The following ME1 variants were observed in gnomAD, a reference collection of about 807,000 sequenced individuals.
ME1 encodes malic enzyme 1.
Under a neutral mutation model 66.4 loss-of-function variants are expected in ME1, and 74 were observed. The ratio of observed to expected loss-of-function variants is 1.11; its 90% CI spans 0.92 to 1.35. The LOEUF is 1.35. ME1 is among the 40% of genes most tolerant of loss of function. The pLI is 0.00. For missense variants in ME1, 750 were observed against 694.1 expected (o/e 1.08, Z -0.90); for synonymous variants, 251 against 235.6 (o/e 1.07, Z -0.60).
intron 6 of ME1, among the ~76,000 whole-genome samples, chr6:83,304,393 G>A (rs1484657301): frequency 6.6e-6 from 1 of 152,142 alleles, no homozygotes; most frequent in Non-Finnish European, 1.5e-5. Flanking sequence ...CTGAAGAAAT[G>A]GACTGCAAAC....
intron 3 of ME1, among the ~76,000 whole-genome samples, chr6:83,357,428 A>G (rs1408046155): frequency 6.6e-6 from 1 of 152,192 alleles, no homozygotes; most frequent in Non-Finnish European, 1.5e-5. Context: ...ATCTATTGCA[A>G]ATATAATGTA....
At chr6:83,430,101 A>G (rs1770456189) in intron 1 of ME1, among the ~76,000 whole-genome samples, 1 of 152,224 alleles carries the variant, frequency 6.6e-6, no homozygotes, top group African/African-American at 2.4e-5. Context: ...GTCTCTGAAC[A>G]GGGTGTACAC....
chr6:83,248,691 C>T (rs1790666861), intron 7 of ME1, among the ~76,000 whole-genome samples: 1 of 152,144 alleles, frequency 6.6e-6, no homozygotes. Context: ...GTTCTTCCTT[C>T]ACTCATCTCT....
chr6:83,386,990 T>C (rs528667307), intron 3 of ME1, among the ~76,000 whole-genome samples: 35 of 151,520 alleles, frequency 2.3e-4, no homozygotes, highest in Admixed American at 5.3e-4. Context: ...CAGTTTATGG[T>C]AGTTTATCAT....
intron 6 of ME1, 77 bp downstream of exon 6, chr6:83,315,233 G>T: frequency 1.2e-6 from 1 of 817,752 alleles, no homozygotes; most frequent in Non-Finnish European, 2.0e-6. Flanking sequence ...AAACCATATT[G>T]CATAAATCTT....
At chr6:83,229,533 T>C (rs1790259294) in intron 9 of ME1, among the ~76,000 whole-genome samples, 1 of 152,228 alleles carries the variant, frequency 6.6e-6, no homozygotes, top group Non-Finnish European at 1.5e-5. Context: ...CCTAATTTTA[T>C]ATGGTACTTG....
chr6:83,319,342 A>C (rs1416052905), intron 5 of ME1, among the ~76,000 whole-genome samples: 1 of 151,702 alleles, frequency 6.6e-6, no homozygotes, highest in Non-Finnish European at 1.5e-5. Flanking sequence ...AAAAAATAAA[A>C]AGATAGGAAA....
chr6:83,405,768 C>T (rs1769930281), intron 2 of ME1, among the ~76,000 whole-genome samples: 1 of 145,498 alleles, frequency 6.9e-6, no homozygotes, highest in Non-Finnish European at 1.5e-5. Flanking sequence ...GTCGCCCAGG[C>T]TGGAGTGCAG....
chr6:83,416,405 G>T (rs1380630188), intron 1 of ME1, among the ~76,000 whole-genome samples: 5 of 152,192 alleles, frequency 3.3e-5, no homozygotes. Context: ...AGAGACCAAG[G>T]TCAGTGCTTC....
chr6:83,346,220 G>A lies in ME1; in HGVS notation c.553C>T (p.Pro185Ser), dbSNP rs759110370. The A allele has an allele frequency of 2.2e-5, 35 of 1,611,382 alleles. No individual in the cohort carries two copies. The Admixed American group carries it at 5.9e-4, about 27-fold the overall frequency. The change falls in exon 5 of 14, where the codon CCT becomes TCT. Residue 185 changes from proline to serine, a missense_variant. By Grantham distance (74) the Pro-to-Ser change is moderately conservative. Coordinates refer to ENST00000369705, the MANE Select transcript of ME1 (RefSeq NM_002395.6). ...AGAATGACAGGCAGACATTCTTGAG[G>A]ATTCATCCCTCCGCAAGCTGTATAT... ...ALYTACGGMN[P>S]QECLPVILDV...
In ME1 at chr6:83,216,542, G is replaced by T; in HGVS notation, c.1504C>A (p.Pro502Thr). The change falls in exon 13 of 14, where the codon CCT becomes ACT. Residue 502 changes from proline (P) to threonine (T), a missense_variant. Coordinates refer to ENST00000369705, the MANE Select transcript of ME1 (RefSeq NM_002395.6). ...GAAACATCTCTAATGGTATTCAAAG[G>T]AGGATAAAGCCGACCCTCTTCCAAG... is the stretch of plus-strand genomic sequence containing the variant. ...KHLEEGRLYP[P>T]LNTIRDVSLK... The T allele has an allele frequency of 6.2e-7, 1 of 1,611,768 alleles. No homozygotes were observed.
intron 4 of ME1, among the ~76,000 whole-genome samples, chr6:83,348,093 T>C (rs1041017610): frequency 6.6e-6 from 1 of 152,192 alleles, no homozygotes; most frequent in African/African-American, 2.4e-5. Flanking sequence ...GTGAAAATCA[T>C]TTTTGCACAT....
chr6:83,312,731 GGT>G (rs1200012963), intron 6 of ME1, among the ~76,000 whole-genome samples: 1 of 151,998 alleles, frequency 6.6e-6, no homozygotes, highest in Admixed American at 6.6e-5. Flanking sequence ...CCTCCAAAGA[GGT>G]TTATCCCAAT....
At chr6:83,369,659 GGAAGGAAGGAACGAAGGAAGGAAGGA>G (rs1769159164) in intron 3 of ME1, among the ~76,000 whole-genome samples, 1 of 70,200 alleles carries the variant, frequency 1.4e-5, no homozygotes, top group Non-Finnish European at 3.1e-5. Flanking sequence ...GAGAGAGGAA[GGAAGGAAGGAACGAAGGAAGGAAGGA>G]AGGAAGGAAG....
chr6:83,393,459 C>T (rs1769669277), intron 3 of ME1: 2 of 546,916 alleles, frequency 3.7e-6, no homozygotes, highest in Admixed American at 3.0e-5. Context: ...AGAGAGCGGC[C>T]CTCACTGCTG....
In ME1 at chr6:83,407,901, C is replaced by T. The variant is rs1250911225; in HGVS notation, c.79G>A (p.Asp27Asn). The T allele has an allele frequency of 6.3e-7, 1 of 1,595,962 alleles. No homozygotes were observed. The highest frequency in any genetic ancestry group is 8.5e-7 in the Non-Finnish European group (1 of 1,175,350). Residue 27 changes from aspartate to asparagine, a missense_variant and splice_region_variant, in exon 2 of 14, where the codon GAC becomes AAC. Asp to Asn is a conservative substitution (Grantham distance 23, BLOSUM62 1). Coordinates refer to ENST00000369705, the MANE Select transcript of ME1 (RefSeq NM_002395.6). ...LLTRNPHLNK[D>N]LAFTLEERQQ... is the part of the protein sequence containing the mutation. The stretch of plus-strand genomic sequence containing the variant: ...CTCTCTTCCAGGGTAAAGGCCAAGT[C>T]CTATAGAGAAAAAACACACACACAC...
chr6:83,330,213 G>C (rs1344467803), intron 5 of ME1, among the ~76,000 whole-genome samples: 1 of 151,884 alleles, frequency 6.6e-6, no homozygotes, highest in African/African-American at 2.4e-5. Context: ...CCTCATTCTA[G>C]CATTTATTTT....
chr6:83,422,685 A>C (rs1178378407), intron 1 of ME1, among the ~76,000 whole-genome samples: 1 of 152,184 alleles, frequency 6.6e-6, no homozygotes, highest in African/African-American at 2.4e-5. Flanking sequence ...TAAAAATACA[A>C]TAATTATAAT....
intron 9 of ME1, among the ~76,000 whole-genome samples, chr6:83,230,517 G>C (rs1354540202): frequency 6.6e-6 from 1 of 152,106 alleles, no homozygotes; most frequent in Non-Finnish European, 1.5e-5. Context: ...AAAACACTCA[G>C]GACTGTACCT....
Sources: allele counts gnomAD v4.1 joint callset (sites outside exome capture counted in the v4.1 genomes callset), GRCh38; gene constraint gnomAD v4.1.1; transcripts MANE v1.5; gene names NCBI Gene and HGNC (gene_info 2026-07-23, HGNC 2026-07-21).